The following SPRR4 variants were observed in gnomAD, a reference collection of about 807,000 sequenced individuals.
SPRR4 encodes the protein small proline-rich protein 4.
For synonymous variants in SPRR4, 30 were observed against 34.3 expected (o/e 0.87, Z 0.44); for missense variants, 106 against 91.6 (o/e 1.16, Z -0.64).
chr1:152,969,913 TG>T (rs1651781525), upstream of SPRR4, among the ~76,000 whole-genome samples: 1 of 152,156 alleles, frequency 6.6e-6, no homozygotes, highest in Non-Finnish European at 1.5e-5. Flanking sequence ...AATGGGCAGA[TG>T]GGGACAGCAC....
intron 1 of SPRR4, among the ~76,000 whole-genome samples, chr1:152,971,580 A>T (rs79883343): frequency 0.011 from 334 of 31,324 alleles, 2 homozygotes; most frequent in Admixed American, 0.023. Flanking sequence ...CCGATCTCTC[A>T]CACACACACA....
intron 1 of SPRR4, among the ~76,000 whole-genome samples, chr1:152,971,578 TCACACACA>T (rs57593504): frequency 2.6e-3 from 375 of 144,238 alleles, no homozygotes; most frequent in African/African-American, 4.8e-3. Context: ...GCCCGATCTC[TCACACACA>T]CACACACACA....
chr1:152,972,413 T>C lies in SPRR4; in HGVS notation c.*283T>C. The C allele has an allele frequency of 2.2e-6, 1 of 451,726 alleles. No individual in the cohort carries two copies. The allele number at this position is 451,726 out of a possible 1,614,324, so 28.0% of individuals were successfully genotyped here. ...TGGCCACAGCTAAGGCCCATCCATT[T>C]CCCAAAGTGAGGAAAGTGTCTGGGC... On this transcript the variant is annotated 3_prime_UTR_variant, in exon 2 of 2. Transcript: ENST00000328051.
intron 1 of SPRR4, among the ~76,000 whole-genome samples, chr1:152,971,224 C>G (rs1036059359): frequency 1.3e-5 from 2 of 152,172 alleles, no homozygotes; most frequent in African/African-American, 4.8e-5. Flanking sequence ...AGCCAGAGAC[C>G]CTCATCAGAG....
chr1:152,969,073 G>T (rs1651758754), upstream of SPRR4, among the ~76,000 whole-genome samples: 1 of 152,302 alleles, frequency 6.6e-6, no homozygotes, highest in Non-Finnish European at 1.5e-5. Flanking sequence ...GCTAGGCTTG[G>T]GAAGAGGAAG....
At position 152,971,655 on chromosome 1, in the gene SPRR4, T is replaced by C. The variant is rs536709923; in HGVS notation, c.-20-216T>C. ...ATGCTTACCTGTAAGACAGAGACTGTTTTTGTCCTCTCCTCATGCCCCTAC... is the reference window on the plus strand; with the variant it reads ...ATGCTTACCTGTAAGACAGAGACTGCTTTTGTCCTCTCCTCATGCCCCTAC... On this transcript the variant is annotated intron_variant, in intron 1 of 1. Transcript: ENST00000328051. Among the ~76,000 whole-genome samples the C allele has an allele frequency of 1.9e-4, 29 of 151,962 alleles. 1 individual carries two copies. The South Asian group carries it at 2.1e-3, about 11-fold the overall frequency.
Position 152,971,864 on chromosome 1 carries a change from C to A in SPRR4, c.-20-7C>A, listed in dbSNP as rs1425140523. Reference sequence around the variant, plus strand: ...TTCTCATGGTGTCCCTGCCCGGTTTCCTTTAGGCTCACCTGTTCCTAGAGC... The same window carrying A: ...TTCTCATGGTGTCCCTGCCCGGTTTACTTTAGGCTCACCTGTTCCTAGAGC... On this transcript the variant is annotated splice_polypyrimidine_tract_variant and splice_region_variant and intron_variant, in intron 1 of 1. Coordinates refer to ENST00000328051, the MANE Select transcript of SPRR4 (RefSeq NM_173080.3). 4 of 1,613,496 alleles carry A rather than the reference C, an allele frequency of 2.5e-6. No individual in the cohort carries two copies. The African/African-American group carries it at 4.0e-5, about 16-fold the overall frequency.
upstream of SPRR4, among the ~76,000 whole-genome samples, chr1:152,969,054 C>T (rs115255548): frequency 8.0e-3 from 1,213 of 152,264 alleles, 9 homozygotes; most frequent in African/African-American, 0.028. Context: ...ATATTACATT[C>T]TTAGTGTTGC....
intron 1 of SPRR4, among the ~76,000 whole-genome samples, chr1:152,971,592 AC>A (rs1651846698): frequency 6.7e-6 from 1 of 149,556 alleles, no homozygotes; most frequent in African/African-American, 2.4e-5. Flanking sequence ...ACACACACAC[AC>A]ACACACACAC....
chr1:152,972,330 AC>A lies in SPRR4; in HGVS notation c.*204del, dbSNP rs960743929. On this transcript the variant is annotated 3_prime_UTR_variant, in exon 2 of 2. Transcript: ENST00000328051. ...ACCACCTTGGCTTCTTCTATATCCCACCCCGATGCTCTCCCAGGTGGGTGTG... is the reference window on the plus strand; with the variant it reads ...ACCACCTTGGCTTCTTCTATATCCCACCCGATGCTCTCCCAGGTGGGTGTG... 4.0e-5 allele frequency: 33 copies of A among 816,992 alleles called. No homozygotes were observed. In the East Asian group the frequency reaches 7.0e-4, roughly 17 times the overall value. The allele number at this position is 816,992 out of a possible 1,614,324, so 50.6% of individuals were successfully genotyped here. A position where few individuals can be genotyped will look rare whatever the true frequency, so the allele number is the denominator to read the frequency against.
chr1:152,971,810 G>T, intron 1 of SPRR4, 61 bp from the exon 2 acceptor site: 2 of 1,557,746 alleles, frequency 1.3e-6, no homozygotes, highest in South Asian at 1.2e-5. Context: ...TTTTTAAAAA[G>T]GGTGTTAAAA....
intron 1 of SPRR4, 125 bp from the exon 2 acceptor site, chr1:152,971,746 G>C: frequency 7.8e-7 from 1 of 1,278,588 alleles, no homozygotes; most frequent in South Asian, 1.4e-5. Flanking sequence ...AGATCTGTCA[G>C]CTAAGATGGC....
chr1:152,971,106 C>T (rs566412266), intron 1 of SPRR4, among the ~76,000 whole-genome samples: 1 of 152,300 alleles, frequency 6.6e-6, no homozygotes, highest in South Asian at 2.1e-4. Flanking sequence ...CAATCCTATG[C>T]AGCTCTCATG....
At chr1:152,971,571 C>G (rs951319417) in intron 1 of SPRR4, among the ~76,000 whole-genome samples, 2 of 132,358 alleles carry the variant, frequency 1.5e-5, no homozygotes, top group Non-Finnish European at 3.2e-5. Flanking sequence ...TTCTCCAGCC[C>G]GATCTCTCAC....
At chr1:152,971,471 G>A (rs73010449) in intron 1 of SPRR4, among the ~76,000 whole-genome samples, 6,191 of 152,006 alleles carry the variant, frequency 0.041, 374 homozygotes, top group African/African-American at 0.14. Context: ...CCACTATCCT[G>A]TAGCCACATA....
Position 152,972,242 on chromosome 1 carries a change from T to G in SPRR4, c.*112T>G. The G allele has an allele frequency of 1.4e-6, 2 of 1,469,738 alleles. No homozygotes were observed. Among genetic ancestry groups the G allele is most frequent in the Non-Finnish European group, 1.8e-6 (2 of 1,087,638 alleles). 91.0% of individuals were successfully genotyped at this position (1,469,738 alleles called of 1,614,324 possible). On this transcript the variant is annotated 3_prime_UTR_variant, in exon 2 of 2. Transcript: ENST00000328051. ...GAGCCTACCCTCCTCTCACATCTCCTCCTGCCCAAGATGTAAGGAAGCATT... is the reference window on the plus strand; with the variant it reads ...GAGCCTACCCTCCTCTCACATCTCCGCCTGCCCAAGATGTAAGGAAGCATT...
At chr1:152,971,836 C>A (rs1651856055) in intron 1 of SPRR4, 35 bp from the exon 2 acceptor site, 2 of 1,601,474 alleles carry the variant, frequency 1.2e-6, no homozygotes, top group Non-Finnish European at 1.7e-6. Context: ...CTTTTTAACA[C>A]CCTTCTCATG....
rs1319898526 is a variant in SPRR4 at position 152,972,313 on chromosome 1, G to A, written c.*183G>A. The A allele has an allele frequency of 2.0e-6, 2 of 1,014,594 alleles. No homozygotes were observed. The highest frequency in any genetic ancestry group is 3.4e-5 in the South Asian group (2 of 58,946). The allele number at this position is 1,014,594 out of a possible 1,614,324, so 62.8% of individuals were successfully genotyped here. A position where few individuals can be genotyped will look rare whatever the true frequency, so the allele number is the denominator to read the frequency against. Reference sequence around the variant, plus strand: ...TACCCTTCCCCACACATACCACCTTGGCTTCTTCTATATCCCACCCCGATG... The same window carrying A: ...TACCCTTCCCCACACATACCACCTTAGCTTCTTCTATATCCCACCCCGATG... On this transcript the variant is annotated 3_prime_UTR_variant, in exon 2 of 2. Transcript: ENST00000328051.
Position 152,972,157 on chromosome 1 carries a change from A to G in SPRR4, c.*27A>G. 1 of 1,613,258 alleles carries G rather than the reference A, an allele frequency of 6.2e-7. No individual in the cohort carries two copies. Among genetic ancestry groups the G allele is most frequent in the Non-Finnish European group, 8.5e-7 (1 of 1,179,504 alleles). On this transcript the variant is annotated 3_prime_UTR_variant, in exon 2 of 2. Transcript: ENST00000328051. The stretch of plus-strand genomic sequence containing the variant: ...GATGGACTGGATATTACCATCATCC[A>G]CCATCCTGGCTACCAGATGGAACCT...
Sources: gnomAD v4.1 joint callset for allele counts (sites outside exome capture counted in the v4.1 genomes callset) on GRCh38, gnomAD v4.1.1 for gene constraint, MANE v1.5 for transcripts, NCBI Gene and HGNC (gene_info 2026-07-23, HGNC 2026-07-21) for gene names.